The following MED13L variants were observed in gnomAD, a reference collection of about 807,000 sequenced individuals.
MED13L encodes the protein mediator complex subunit 13L, also known as mediator of RNA polymerase II transcription subunit 13-like.
MED13L carries 7 observed loss-of-function variants against 220.9 expected under a neutral mutation model. That is an observed-to-expected ratio of 0.03 (90% CI 0.02 to 0.06). MED13L has a LOEUF of 0.06. Among genes scored for constraint, MED13L ranks in the 10% least tolerant of loss-of-function variants. The pLI is 1.00. For synonymous variants in MED13L, 1,011 were observed against 1,015.2 expected (o/e 1.00, Z 0.08); for missense variants, 1,965 against 2,760.5 (o/e 0.71, Z 6.46).
Position 116,277,220 on chromosome 12 carries a change from G to C in MED13L, c.-89C>G. On this transcript the variant is annotated 5_prime_UTR_variant, in exon 1 of 31. Transcript: ENST00000281928. Reference sequence around the variant, plus strand: ...GGGCCGGGCGGCGGCGCCTCGCCGGGGAGCGCGGGGCGGCCGGGCCGCCGC... The same window carrying C: ...GGGCCGGGCGGCGGCGCCTCGCCGGCGAGCGCGGGGCGGCCGGGCCGCCGC... The C allele has an allele frequency of 1.3e-6, 1 of 760,144 alleles. No homozygotes were observed. The highest frequency in any genetic ancestry group is 1.6e-6 in the Non-Finnish European group (1 of 614,224). The allele number at this position is 760,144 out of a possible 1,614,324, so 47.1% of individuals were successfully genotyped here.
At chr12:116,246,376 C>T (rs534122207) in intron 1 of MED13L, among the ~76,000 whole-genome samples, 4 of 152,042 alleles carry the variant, frequency 2.6e-5, no homozygotes, top group African/African-American at 4.8e-5. Flanking sequence ...TATACACCAG[C>T]GCAGAGGGCA....
chr12:116,255,765 T>A (rs1218492526), intron 1 of MED13L, among the ~76,000 whole-genome samples: 1 of 152,236 alleles, frequency 6.6e-6, no homozygotes, highest in Non-Finnish European at 1.5e-5. Flanking sequence ...GCAATGATGT[T>A]AAACTTCATC....
At chr12:116,093,847 C>T (rs1872448155) in intron 4 of MED13L, among the ~76,000 whole-genome samples, 1 of 151,948 alleles carries the variant, frequency 6.6e-6, no homozygotes, top group Non-Finnish European at 1.5e-5. Flanking sequence ...TACCAATGTA[C>T]CAAAAAAGAC....
In MED13L at chr12:115,966,004, C is replaced by G; in HGVS notation, c.6387+78G>C. The G allele has an allele frequency of 3.2e-6, 5 of 1,540,250 alleles. 1 individual carries two copies. The highest frequency in any genetic ancestry group is 1.1e-5 in the South Asian group (1 of 89,122). ...CAGAATAAGATTATGGTGACTAAAACTGAAATTTCTAACCAAAATTAAATT... is the reference window on the plus strand; with the variant it reads ...CAGAATAAGATTATGGTGACTAAAAGTGAAATTTCTAACCAAAATTAAATT... On this transcript the variant is annotated intron_variant, in intron 29 of 30. Coordinates refer to ENST00000281928, the MANE Select transcript of MED13L (RefSeq NM_015335.5).
intron 2 of MED13L, among the ~76,000 whole-genome samples, chr12:116,205,789 A>G (rs769811021): frequency 1.3e-4 from 20 of 152,106 alleles, no homozygotes; most frequent in Non-Finnish European, 2.2e-4. Context: ...TTGAGAAAGC[A>G]GTTAACACTT....
intron 1 of MED13L, among the ~76,000 whole-genome samples, chr12:116,260,521 T>C (rs925713600): frequency 6.6e-6 from 1 of 151,788 alleles, no homozygotes; most frequent in Non-Finnish European, 1.5e-5. Context: ...AGGCAAAAAA[T>C]ACAACATGGC....
Position 116,210,910 on chromosome 12 carries a change from T to C in MED13L, c.310+26558A>G, listed in dbSNP as rs1277088231. On this transcript the variant is annotated intron_variant, in intron 2 of 30. Coordinates refer to ENST00000281928, the MANE Select transcript of MED13L (RefSeq NM_015335.5). ...CTCACCAGGAGACACTGAAAAGCAC[T>C]CTCATGGTTTACCACCTGAAGCTAT... is the stretch of plus-strand genomic sequence containing the variant. Among the ~76,000 whole-genome samples, 7 of 152,188 alleles carry C rather than the reference T, an allele frequency of 4.6e-5. No homozygotes were observed. The South Asian group carries it at 8.3e-4, about 18-fold the overall frequency.
chr12:116,056,999 C>T (rs1592994422), intron 4 of MED13L, among the ~76,000 whole-genome samples: 1 of 152,212 alleles, frequency 6.6e-6, no homozygotes. Flanking sequence ...TTTCTCCAAA[C>T]TGACATAAGA....
chr12:115,994,867 T>A (rs557675048), intron 16 of MED13L, among the ~76,000 whole-genome samples: 1 of 152,274 alleles, frequency 6.6e-6, no homozygotes, highest in South Asian at 2.1e-4. Flanking sequence ...TGCTGGTGCA[T>A]TGTTATTTCC....
chr12:116,175,922 T>C (rs1260121903), intron 2 of MED13L, among the ~76,000 whole-genome samples: 2 of 152,126 alleles, frequency 1.3e-5, no homozygotes, highest in African/African-American at 4.8e-5. Context: ...GAAAAATTCA[T>C]ATGGAAGAGT....
intron 4 of MED13L, among the ~76,000 whole-genome samples, chr12:116,066,880 A>T (rs1469169150): frequency 1.3e-5 from 2 of 152,228 alleles, no homozygotes; most frequent in African/African-American, 4.8e-5. Flanking sequence ...ACAGTTGGAC[A>T]GGTTCATGCT....
chr12:116,071,827 A>C (rs1368337231), intron 4 of MED13L, among the ~76,000 whole-genome samples: 1 of 152,134 alleles, frequency 6.6e-6, no homozygotes, highest in Non-Finnish European at 1.5e-5. Flanking sequence ...GGCATGCTCT[A>C]TCTCCTTCAA....
intron 2 of MED13L, among the ~76,000 whole-genome samples, chr12:116,136,812 A>T (rs1876597976): frequency 6.6e-6 from 1 of 152,206 alleles, no homozygotes; most frequent in South Asian, 2.1e-4. Context: ...TGTTTACATT[A>T]ATAAGAGTGA....
rs747871988 is a variant in MED13L, at chr12:115,961,302, G to A, written c.6597C>T (p.Leu2199=). 1.9e-6 allele frequency: 3 copies of A among 1,614,170 alleles called. No individual in the cohort carries two copies. The highest frequency in any genetic ancestry group is 2.5e-6 in the Non-Finnish European group (3 of 1,180,018). Residue 2199 remains leucine, a synonymous_variant, in exon 31 of 31, where the codon CTC becomes CTT. Transcript: ENST00000281928. ...TSCLPVHFVV[L]TQLYNAIMNI... Reference sequence around the variant, plus strand: ...TCATGATGGCATTGTACAACTGAGTGAGCACCACAAAGTGGACGGGAAGGC... The same window carrying A: ...TCATGATGGCATTGTACAACTGAGTAAGCACCACAAAGTGGACGGGAAGGC...
chr12:116,184,887 T>C (rs1880773199), intron 2 of MED13L, among the ~76,000 whole-genome samples: 1 of 152,168 alleles, frequency 6.6e-6, no homozygotes, highest in Non-Finnish European at 1.5e-5. Flanking sequence ...CCTATGCCTG[T>C]TGGAAATAGT....
In MED13L at chr12:116,215,327, G is replaced by A. The variant is rs566039105; in HGVS notation, c.310+22141C>T. Among the ~76,000 whole-genome samples the A allele has an allele frequency of 8.5e-5, 13 of 152,220 alleles. No individual in the cohort carries two copies. The South Asian group carries it at 2.7e-3, about 32-fold the overall frequency. On this transcript the variant is annotated intron_variant, in intron 2 of 30. Coordinates refer to ENST00000281928, the MANE Select transcript of MED13L (RefSeq NM_015335.5). ...TTTCTCAGAAGTCTTGGAGAAATCTGTTACTACATATTCCATAGAACCTTC... is the reference window on the plus strand; with the variant it reads ...TTTCTCAGAAGTCTTGGAGAAATCTATTACTACATATTCCATAGAACCTTC...
At position 116,128,377 on chromosome 12, in the gene MED13L, T is replaced by C. The variant is rs377559007; in HGVS notation, c.311-16865A>G. Among the ~76,000 whole-genome samples, 338 of 152,150 alleles carry C rather than the reference T, an allele frequency of 2.2e-3. 2 individuals carry two copies. The highest frequency in any genetic ancestry group is 1.2e-3 in the Non-Finnish European group (83 of 68,006). On this transcript the variant is annotated intron_variant, in intron 2 of 30. Transcript: ENST00000281928. The stretch of plus-strand genomic sequence containing the variant: ...GCTTAGCTTTTCTTCCTACTGACAA[T>C]TGAAGGCTCTTACTTGAACCCTTGA...
rs1417106071 is a variant in MED13L at position 115,983,150 on chromosome 12, C to T, written c.4922G>A (p.Ser1641Asn). 1 of 1,613,974 alleles carries T rather than the reference C, an allele frequency of 6.2e-7. No homozygotes were observed. The highest frequency in any genetic ancestry group is 2.2e-5 in the East Asian group (1 of 44,888). ...GCGGDTDPGQ[S>N]SSQPSQDGQE... ...TCCATCCTGTGAGGGCTGAGAAGAGCTCTGCCCAGGGTCAGTGTCTCCACC... is the reference window on the plus strand; with the variant it reads ...TCCATCCTGTGAGGGCTGAGAAGAGTTCTGCCCAGGGTCAGTGTCTCCACC... The change falls in exon 21 of 31, where the codon AGC becomes AAC. Residue 1641 changes from serine (S) to asparagine (N), a missense_variant. By Grantham distance (46) the Ser-to-Asn change is conservative. Around this residue, in one of 10 missense-constraint regions of MED13L, gnomAD observed 510 missense variants for 620.4 expected, o/e 0.82. Coordinates refer to ENST00000281928, the MANE Select transcript of MED13L (RefSeq NM_015335.5).
chr12:116,010,276 A>G (rs2137393072), intron 9 of MED13L, among the ~76,000 whole-genome samples: 1 of 152,328 alleles, frequency 6.6e-6, no homozygotes, highest in East Asian at 1.9e-4. Flanking sequence ...TTTAAGCTCA[A>G]TGAGCATGGT....
Sources: allele counts gnomAD v4.1 joint callset (sites outside exome capture counted in the v4.1 genomes callset), GRCh38; gene constraint gnomAD v4.1.1; regional missense constraint gnomAD v4.1.1; transcripts MANE v1.5; gene names NCBI Gene and HGNC (gene_info 2026-07-23, HGNC 2026-07-21).